Variants in ACOX3 observed in about 807,000 individuals in gnomAD.
The protein encoded by ACOX3 is acyl-CoA oxidase 3, pristanoyl, also known as peroxisomal acyl-coenzyme A oxidase 3.
A neutral mutation model predicts 81.5 loss-of-function variants in ACOX3; 73 were observed. The ratio of observed to expected loss-of-function variants is 0.90; its 90% CI spans 0.74 to 1.09. The LOEUF is 1.09. Ranked by LOEUF, ACOX3 falls within the 50% of genes least tolerant of loss-of-function variation. The pLI, the probability that ACOX3 is intolerant of heterozygous loss-of-function variation, is 0.00. For missense variants in ACOX3, 947 were observed against 928.0 expected, an observed-to-expected ratio of 1.02 and a Z score of -0.27; for synonymous variants, 387 against 375.1, an observed-to-expected ratio of 1.03 and a Z score of -0.37.
At chr4:8,438,003 G>A (rs1191721881) in intron 1 of ACOX3, among the ~76,000 whole-genome samples, 1 of 152,102 alleles carries the variant, frequency 6.6e-6, no homozygotes, top group African/African-American at 2.4e-5. Flanking sequence ...TACAAAGGGG[G>A]GAAAGAAAAA....
rs949383840 is a variant in ACOX3 at position 8,405,207 on chromosome 4, G to T, written c.776+748C>A. On this transcript the variant is annotated intron_variant, in intron 7 of 17. Coordinates refer to ENST00000356406, the MANE Select transcript of ACOX3 (RefSeq NM_003501.3). This position sits in a 1 kb window ranked among gnomAD's most constrained non-coding sequence, Gnocchi z 7.1. ...CTCAAAGACCCTCAAGGCCCTTGCG[G>T]CCTGGCCTCCCTACCCCGCCTGCAT... Among the ~76,000 whole-genome samples the T allele has an allele frequency of 6.6e-6, 1 of 152,194 alleles. No homozygotes were observed.
chr4:8,378,293 C>T (rs1019884951), intron 14 of ACOX3, among the ~76,000 whole-genome samples: 13 of 152,346 alleles, frequency 8.5e-5, no homozygotes, highest in Admixed American at 2.0e-4. Context: ...CCGGCACGGG[C>T]GAGCTGGGGG....
In ACOX3 at chr4:8,431,352, G is replaced by A. The variant is rs569796499; in HGVS notation, c.-15+9296C>T. On this transcript the variant is annotated intron_variant, in intron 1 of 17. Coordinates refer to ENST00000356406, the MANE Select transcript of ACOX3 (RefSeq NM_003501.3). This position sits in a 1 kb window ranked among gnomAD's most constrained non-coding sequence, Gnocchi z 5.3. ...TCAGCTTTGACCGTGGCTTCACCTC[G>A]GGGCCACCTTCTGGCATTTGCCTGC... Among the ~76,000 whole-genome samples the A allele has an allele frequency of 1.3e-5, 2 of 152,098 alleles. No individual in the cohort carries two copies. Among genetic ancestry groups the A allele is most frequent in the Non-Finnish European group, 2.9e-5 (2 of 68,018 alleles).
rs10002453 is a variant in ACOX3 at position 8,389,975 on chromosome 4, T to A, written c.1301-241A>T. ...AAAAATAGCCAGGTGTGGTGGTGTG[T>A]GCCTGTAATCTCAGCTACTCGGGAG... On this transcript the variant is annotated intron_variant, in intron 11 of 17. Coordinates refer to ENST00000356406, the MANE Select transcript of ACOX3 (RefSeq NM_003501.3). This position sits in a 1 kb window ranked among gnomAD's most constrained non-coding sequence, Gnocchi z 5.3. 0.12 allele frequency among the ~76,000 whole-genome samples: 18,724 copies of A among 151,736 alleles called. 1,893 individuals carry two copies. The highest frequency in any genetic ancestry group is 0.28 in the African/African-American group (11,360 of 41,216).
chr4:8,377,802 C>T (rs1036279970), intron 14 of ACOX3, among the ~76,000 whole-genome samples: 3 of 152,170 alleles, frequency 2.0e-5, no homozygotes, highest in African/African-American at 4.8e-5. Flanking sequence ...TGGACTCTGG[C>T]GACCCGGGGG....
chr4:8,370,346 G>C lies in ACOX3; in HGVS notation c.1983+562C>G, dbSNP rs962171889. ...AGGAGGCTGGTGGAGGCTCCCTCAG[G>C]GGGGCGGCCTGACCCCATCTGCTAT... On this transcript the variant is annotated intron_variant, in intron 17 of 17. Coordinates refer to ENST00000356406, the MANE Select transcript of ACOX3 (RefSeq NM_003501.3). This position sits in a 1 kb window ranked among gnomAD's most constrained non-coding sequence, Gnocchi z 6.3. Among the ~76,000 whole-genome samples, 29 of 152,042 alleles carry C rather than the reference G, an allele frequency of 1.9e-4. No homozygotes were observed. The highest frequency in any genetic ancestry group is 1.5e-3 in the Admixed American group (23 of 15,280).
rs914555646 is a variant in ACOX3, at chr4:8,419,213, A to C, written c.-14-2678T>G. The stretch of plus-strand genomic sequence containing the variant: ...CACTTTGGGAGGCCCAGACAGGTGG[A>C]TCATGAGGTCAGGAATTCAAGACCA... On this transcript the variant is annotated intron_variant, in intron 1 of 17. Transcript: ENST00000356406. This position sits in a 1 kb window ranked among gnomAD's most constrained non-coding sequence, Gnocchi z 4.2. Among the ~76,000 whole-genome samples, 6 of 152,034 alleles carry C rather than the reference A, an allele frequency of 3.9e-5. No homozygotes were observed. Among genetic ancestry groups the C allele is most frequent in the Non-Finnish European group, 8.8e-5 (6 of 68,002 alleles).
chr4:8,416,143 C>G lies in ACOX3; in HGVS notation c.145-144G>C, dbSNP rs1722306711. ...CCCAGACAGAGATATGACTATCATTCCCAATGGACTAGAGGACTGGAGGCT... is the reference window on the plus strand; with the variant it reads ...CCCAGACAGAGATATGACTATCATTGCCAATGGACTAGAGGACTGGAGGCT... On this transcript the variant is annotated intron_variant, in intron 2 of 17. Coordinates refer to ENST00000356406, the MANE Select transcript of ACOX3 (RefSeq NM_003501.3). This position sits in a 1 kb window ranked among gnomAD's most constrained non-coding sequence, Gnocchi z 4.2. 1.0e-6 allele frequency: 1 copy of G among 996,238 alleles called. No individual in the cohort carries two copies. Among genetic ancestry groups the G allele is most frequent in the Non-Finnish European group, 1.5e-6 (1 of 669,066 alleles). 61.7% of individuals were successfully genotyped at this position (996,238 alleles called of 1,614,324 possible).
rs1404460490 is a variant in ACOX3, at chr4:8,399,137, C to G, written c.873+419G>C. ...CAGCTATGACCTGGGCCATCGCTCC[C>G]CAGGACCACGGTCTCTCTTCTGCTC... is the stretch of plus-strand genomic sequence containing the variant. On this transcript the variant is annotated intron_variant, in intron 8 of 17. Transcript: ENST00000356406. The surrounding 1 kb of genome is among the most constrained non-coding windows in gnomAD (Gnocchi z 4.9). Among the ~76,000 whole-genome samples, 1 of 152,180 alleles carries G rather than the reference C, an allele frequency of 6.6e-6. No homozygotes were observed. Among genetic ancestry groups the G allele is most frequent in the Non-Finnish European group, 1.5e-5 (1 of 68,028 alleles).
In ACOX3 at chr4:8,375,108, C is replaced by T. The variant is rs60183225; in HGVS notation, c.1698G>A (p.Thr566=). The T allele has an allele frequency of 2.5e-4, 382 of 1,554,818 alleles. 3 individuals carry two copies. In the Middle Eastern group the frequency reaches 2.7e-3, roughly 11 times the overall value. ...CGTGCTCGTGGAACCTCTGGACCACCGTGAGCTCCACGAAGGCCAGCGCCA... is the reference window on the plus strand; with the variant it reads ...CGTGCTCGTGGAACCTCTGGACCACTGTGAGCTCCACGAAGGCCAGCGCCA... The part of the protein sequence containing the change: ...RPLALAFVEL[T]VVQRFHEHVH... The change falls in exon 15 of 18, where the codon ACG becomes ACA. Residue 566 remains threonine (T), a synonymous_variant. Coordinates refer to ENST00000356406, the MANE Select transcript of ACOX3 (RefSeq NM_003501.3).
chr4:8,424,864 C>T (rs60667619), intron 1 of ACOX3, among the ~76,000 whole-genome samples: 51 of 152,258 alleles, frequency 3.3e-4, no homozygotes, highest in African/African-American at 1.2e-3. Flanking sequence ...TGTAGAAAAA[C>T]GACTTCGAAA....
At chr4:8,424,466 C>T (rs1046150550) in intron 1 of ACOX3, among the ~76,000 whole-genome samples, 1 of 152,244 alleles carries the variant, frequency 6.6e-6, no homozygotes, top group Non-Finnish European at 1.5e-5. Flanking sequence ...AGTAAGGAAA[C>T]TGATGTAGTG....
intron 17 of ACOX3, among the ~76,000 whole-genome samples, chr4:8,369,569 C>T (rs73085866): frequency 0.018 from 2,772 of 152,302 alleles, 99 homozygotes; most frequent in African/African-American, 0.064. Context: ...TCTCCTACTA[C>T]GGGGAACTCT....
At chr4:8,397,705 C>A (rs1423611544) in intron 8 of ACOX3, among the ~76,000 whole-genome samples, 1 of 152,222 alleles carries the variant, frequency 6.6e-6, no homozygotes, top group African/African-American at 2.4e-5. Context: ...TAATCTACAG[C>A]CCTTGCCACG....
rs905308324 is a variant in ACOX3 at position 8,405,214 on chromosome 4, C to T, written c.776+741G>A. Among the ~76,000 whole-genome samples, 1 of 152,242 alleles carries T rather than the reference C, an allele frequency of 6.6e-6. No homozygotes were observed. Among genetic ancestry groups the T allele is most frequent in the African/African-American group, 2.4e-5 (1 of 41,458 alleles). On this transcript the variant is annotated intron_variant, in intron 7 of 17. Coordinates refer to ENST00000356406, the MANE Select transcript of ACOX3 (RefSeq NM_003501.3). This position sits in a 1 kb window ranked among gnomAD's most constrained non-coding sequence, Gnocchi z 7.1. The stretch of plus-strand genomic sequence containing the variant: ...ACCCTCAAGGCCCTTGCGGCCTGGC[C>T]TCCCTACCCCGCCTGCATCCCAGCA...
In ACOX3 at chr4:8,386,611, G is replaced by T. The variant is rs918867709; in HGVS notation, c.1537+2562C>A. 7.9e-5 allele frequency among the ~76,000 whole-genome samples: 12 copies of T among 152,020 alleles called. No homozygotes were observed. The highest frequency in any genetic ancestry group is 5.8e-4 in the East Asian group (3 of 5,166). On this transcript the variant is annotated intron_variant, in intron 13 of 17. Coordinates refer to ENST00000356406, the MANE Select transcript of ACOX3 (RefSeq NM_003501.3). This position sits in a 1 kb window ranked among gnomAD's most constrained non-coding sequence, Gnocchi z 5.2. Reference sequence around the variant, plus strand: ...AGTGACTTGCAAACATCAGAAATAGGTCATCAAACGTGTCCCCGTTTCCCA... The same window carrying T: ...AGTGACTTGCAAACATCAGAAATAGTTCATCAAACGTGTCCCCGTTTCCCA...
In ACOX3 at chr4:8,367,074, T is replaced by A; in HGVS notation, c.1990A>T (p.Lys664Ter). ...PIGRADGELY[K>*]NLWGAVLQES... ...TGCAGGACAGCGCCCCAGAGGTTTTTGTAGAGCTGCAAACAACACGTACAC... is the reference window on the plus strand; with the variant it reads ...TGCAGGACAGCGCCCCAGAGGTTTTAGTAGAGCTGCAAACAACACGTACAC... The change falls in exon 18 of 18, where the codon AAA (lysine) becomes TAA (stop). Residue 664 changes from lysine (K) to a stop codon, truncating the protein, a stop_gained. Transcript: ENST00000356406. LOFTEE classifies it low-confidence loss of function (END_TRUNC). 6.2e-7 allele frequency: 1 copy of A among 1,613,956 alleles called. No homozygotes were observed.
rs1170901182 is a variant in ACOX3 at position 8,392,399 on chromosome 4, A to T, written c.1234T>A (p.Ser412Thr). 2 of 1,609,330 alleles carry T rather than the reference A, an allele frequency of 1.2e-6. No homozygotes were observed. The highest frequency in any genetic ancestry group is 2.7e-5 in the African/African-American group (2 of 74,762). The change falls in exon 11 of 18, where the codon TCG becomes ACG. Residue 412 changes from serine to threonine, a missense_variant. Ser to Thr is a moderately conservative substitution (Grantham distance 58). Coordinates refer to ENST00000356406, the MANE Select transcript of ACOX3 (RefSeq NM_003501.3). ...ALASASKPLA[S>T]WTTQQGIQEC... The stretch of plus-strand genomic sequence containing the variant: ...TGAATTCCTTGCTGGGTGGTCCACG[A>T]GGCCAGGGGCTTGCTGGCCGATGCC...
intron 1 of ACOX3, among the ~76,000 whole-genome samples, chr4:8,426,637 T>C (rs896723653): frequency 6.6e-6 from 1 of 151,694 alleles, no homozygotes; most frequent in East Asian, 1.9e-4. Flanking sequence ...CCCAGAAATA[T>C]TGATGCCCCA....
Sources: gnomAD v4.1 joint callset for allele counts (sites outside exome capture counted in the v4.1 genomes callset) on GRCh38, gnomAD v4.1.1 for gene constraint, Gnocchi (gnomAD v3.1) non-coding constraint, MANE v1.5 for transcripts, NCBI Gene and HGNC (gene_info 2026-07-23, HGNC 2026-07-21) for gene names.